Variants in STAB2 observed in about 807,000 individuals in gnomAD.
STAB2 encodes stabilin 2, also known as stabilin-2.
Under a neutral mutation model 338.1 loss-of-function variants are expected in STAB2, and 288 were observed. The observed-to-expected ratio is 0.85, with a 90% CI of 0.77 to 0.94. The LOEUF (loss-of-function observed/expected upper bound fraction) is 0.94, where lower values mean the gene tolerates loss of function less well. Among genes scored for constraint, STAB2 ranks in the 40% least tolerant of loss-of-function variants. The pLI, the probability that STAB2 is intolerant of heterozygous loss-of-function variation, is 0.00. For missense variants in STAB2, 3,141 were observed against 3,210.1 expected (o/e 0.98, Z 0.52); for synonymous variants, 1,202 against 1,193.3 (o/e 1.01, Z -0.15).
Position 103,668,643 on chromosome 12 carries a change from G to A in STAB2, c.2086G>A (p.Ala696Thr), listed in dbSNP as rs1188342209. 2 of 1,551,618 alleles carry A rather than the reference G, an allele frequency of 1.3e-6. No individual in the cohort carries two copies. Among genetic ancestry groups the A allele is most frequent in the Non-Finnish European group, 8.7e-7 (1 of 1,147,102 alleles). Residue 696 changes from alanine to threonine, a missense_variant and splice_region_variant, in exon 20 of 69, where the codon GCA becomes ACA. Ala to Thr is a moderately conservative substitution (Grantham distance 58). Coordinates refer to ENST00000388887, the MANE Select transcript of STAB2 (RefSeq NM_017564.10). ...GCTTTCCCTCCTTGGCTTTCTCCAG[G>A]CACTCTTCACACACAGATGTGTCTA... is the stretch of plus-strand genomic sequence containing the variant. Reference protein sequence around the residue: ...SRCPANSEPTALFTHRCVYSG... With the variant: ...SRCPANSEPTTLFTHRCVYSG...
At chr12:103,598,487 A>G (rs1418755466) in intron 3 of STAB2, among the ~76,000 whole-genome samples, 2 of 152,226 alleles carry the variant, frequency 1.3e-5, no homozygotes, top group East Asian at 3.8e-4. Flanking sequence ...CTTCTTGAGC[A>G]TCACAATGCA....
At chr12:103,737,591 TCTCTCTCTCTTTCTC>T (rs773730168) in intron 52 of STAB2, 28 bp from the exon 53 acceptor site, 2 of 1,403,746 alleles carry the variant, frequency 1.4e-6, no homozygotes, top group Non-Finnish European at 1.9e-6. Flanking sequence ...TCTCTCTCTC[TCTCTCTCTCTTTCTC>T]TTTTTTTTTT....
In STAB2 at chr12:103,745,201, C is replaced by T. The variant is rs142024508; in HGVS notation, c.6060C>T (p.Cys2020=). ...LPCGCSDHGQ[C]DDGITGSGQC... ...GTGGCTGCTCAGACCACGGACAGTG[C>T]GATGATGGCATCACGGGCTCCGGGC... Residue 2020 remains cysteine (C), a synonymous_variant, in exon 57 of 69, where the codon TGC becomes TGT. Transcript: ENST00000388887. 3.0e-5 allele frequency: 49 copies of T among 1,613,748 alleles called. No homozygotes were observed. The African/African-American group carries it at 3.3e-4, about 11-fold the overall frequency.
intron 39 of STAB2, 131 bp from the exon 40 acceptor site, chr12:103,711,340 C>T: frequency 3.3e-6 from 4 of 1,211,636 alleles, no homozygotes; most frequent in South Asian, 2.9e-5. Context: ...TTGACATGAC[C>T]TCATAGTTTT....
intron 27 of STAB2, 67 bp downstream of exon 27, chr12:103,685,151 C>T (rs1290676504): frequency 1.4e-6 from 2 of 1,409,280 alleles, no homozygotes; most frequent in Non-Finnish European, 2.0e-6. Context: ...GCTAAGATGC[C>T]TTTAAAGTGA....
At chr12:103,715,566 C>T (rs1406802175) in intron 42 of STAB2, among the ~76,000 whole-genome samples, 2 of 152,162 alleles carry the variant, frequency 1.3e-5, no homozygotes, top group South Asian at 2.1e-4. Context: ...ATTTATTCCA[C>T]GGACTGATTT....
intron 59 of STAB2, among the ~76,000 whole-genome samples, chr12:103,749,391 A>G (rs1431504544): frequency 1.3e-5 from 2 of 152,204 alleles, no homozygotes; most frequent in East Asian, 1.9e-4. Flanking sequence ...GTTAACAGTA[A>G]TGTACCAACA....
chr12:103,666,750 A>G (rs1231663377), intron 19 of STAB2, among the ~76,000 whole-genome samples: 3 of 152,222 alleles, frequency 2.0e-5, no homozygotes, highest in African/African-American at 7.2e-5. Flanking sequence ...CTGTCTGTAA[A>G]CAAGTCCTAA....
At chr12:103,633,218 G>C (rs1202071236) in intron 6 of STAB2, among the ~76,000 whole-genome samples, 2 of 152,194 alleles carry the variant, frequency 1.3e-5, no homozygotes, top group African/African-American at 4.8e-5. Flanking sequence ...CCAGAAGCCA[G>C]CCTAAGGGAA....
Position 103,587,408 on chromosome 12 carries a change from C to A in STAB2, c.-69C>A. 1.6e-6 allele frequency: 2 copies of A among 1,269,922 alleles called. No homozygotes were observed. Among genetic ancestry groups the A allele is most frequent in the South Asian group, 1.3e-5 (1 of 76,934 alleles). 78.7% of individuals were successfully genotyped at this position (1,269,922 alleles called of 1,614,324 possible). Reference sequence around the variant, plus strand: ...GAGAAAGAATTCACTGGGAGTTTATCAAACTAAGTTAAAATAGCTAAGTCA... The same window carrying A: ...GAGAAAGAATTCACTGGGAGTTTATAAAACTAAGTTAAAATAGCTAAGTCA... On this transcript the variant is annotated 5_prime_UTR_variant, in exon 1 of 69. Coordinates refer to ENST00000388887, the MANE Select transcript of STAB2 (RefSeq NM_017564.10).
Position 103,762,916 on chromosome 12 carries a change from T to C in STAB2, c.7488+514T>C, listed in dbSNP as rs1383243616. 2.0e-5 allele frequency among the ~76,000 whole-genome samples: 3 copies of C among 152,296 alleles called. No individual in the cohort carries two copies. In the East Asian group the frequency reaches 5.8e-4, roughly 29 times the overall value. ...GCTCTTGACTGGCTGTGTAAGAATA[T>C]GGCCGGGGCAGCAGCACAGCGGTTG... On this transcript the variant is annotated intron_variant, in intron 67 of 68. Coordinates refer to ENST00000388887, the MANE Select transcript of STAB2 (RefSeq NM_017564.10).
intron 22 of STAB2, among the ~76,000 whole-genome samples, chr12:103,673,530 G>T (rs1000732372): frequency 6.6e-6 from 1 of 151,758 alleles, no homozygotes; most frequent in Admixed American, 6.6e-5. Flanking sequence ...TGTGTTTTTT[G>T]TAGAGACAGG....
At chr12:103,653,685 T>A (rs552399955) in intron 12 of STAB2, among the ~76,000 whole-genome samples, 3 of 147,802 alleles carry the variant, frequency 2.0e-5, no homozygotes, top group East Asian at 4.1e-4. Context: ...GATAGATACA[T>A]GGATAGGTCA....
chr12:103,624,940 C>CA (rs55862855), intron 5 of STAB2, among the ~76,000 whole-genome samples: 23 of 111,106 alleles, frequency 2.1e-4, no homozygotes, highest in East Asian at 1.2e-3. Context: ...GACTCCATCT[C>CA]AAAAAAAAAA....
intron 20 of STAB2, 94 bp downstream of exon 20, chr12:103,668,823 G>A: frequency 2.6e-6 from 3 of 1,149,518 alleles, no homozygotes; most frequent in Non-Finnish European, 3.6e-6. Flanking sequence ...GTGGTCACAG[G>A]TGGCCCGTGC....
At chr12:103,758,345 A>G (rs1884289257) in intron 64 of STAB2, 56 bp downstream of exon 64, 2 of 1,600,886 alleles carry the variant, frequency 1.2e-6, no homozygotes, top group African/African-American at 2.7e-5. Flanking sequence ...TATCACCACA[A>G]CAATGCTGTG....
At chr12:103,664,031 A>G (rs185886992) in intron 18 of STAB2, among the ~76,000 whole-genome samples, 97 of 152,264 alleles carry the variant, frequency 6.4e-4, no homozygotes, top group Non-Finnish European at 3.1e-4. Context: ...GTACTTTTCA[A>G]AAAACCAAAC....
At chr12:103,626,036 T>G (rs992416831) in intron 5 of STAB2, among the ~76,000 whole-genome samples, 1 of 152,220 alleles carries the variant, frequency 6.6e-6, no homozygotes. Context: ...TCCTGACTTT[T>G]TAATGATCGC....
chr12:103,732,627 G>A (rs749668575), intron 50 of STAB2, among the ~76,000 whole-genome samples: 14 of 152,226 alleles, frequency 9.2e-5, no homozygotes, highest in East Asian at 3.9e-4. Context: ...GCAACATGGC[G>A]AAACCCCATC....
Sources: gnomAD v4.1 joint callset for allele counts (sites outside exome capture counted in the v4.1 genomes callset) on GRCh38, gnomAD v4.1.1 for gene constraint, MANE v1.5 for transcripts, NCBI Gene and HGNC (gene_info 2026-07-23, HGNC 2026-07-21) for gene names.